The following GMDS variants were observed in gnomAD, a reference collection of about 807,000 sequenced individuals.
GMDS encodes GDP-mannose 4,6 dehydratase.
A neutral mutation model predicts 49.9 loss-of-function variants in GMDS; 20 were observed. The observed-to-expected ratio is 0.40, with a 90% CI of 0.28 to 0.58. GMDS has a LOEUF of 0.58. Ranked by LOEUF, GMDS falls within the 20% of genes least tolerant of loss-of-function variation. GMDS has a pLI of 0.42. For synonymous variants in GMDS, 177 were observed against 178.6 expected, an observed-to-expected ratio of 0.99 and a Z score of 0.07; for missense variants, 362 against 481.4, an observed-to-expected ratio of 0.75 and a Z score of 2.32.
At chr6:1,739,418 G>C (rs1443413424) in intron 8 of GMDS, among the ~76,000 whole-genome samples, 6 of 152,014 alleles carry the variant, frequency 3.9e-5, no homozygotes, top group African/African-American at 1.5e-4. Flanking sequence ...GGCTGTCTCT[G>C]TCTGTCTTGG....
chr6:1,624,101 C>T lies in GMDS; in HGVS notation c.*68G>A. On this transcript the variant is annotated 3_prime_UTR_variant, in exon 11 of 11. Coordinates refer to ENST00000380815, the MANE Select transcript of GMDS (RefSeq NM_001500.4). ...ATTGGCACGCCGCTCCCCATCCCCGCAGCGCGTCTGCACCGGAGACTCTGC... is the reference window on the plus strand; with the variant it reads ...ATTGGCACGCCGCTCCCCATCCCCGTAGCGCGTCTGCACCGGAGACTCTGC... 2 of 1,409,142 alleles carry T rather than the reference C, an allele frequency of 1.4e-6. No individual in the cohort carries two copies. The highest frequency in any genetic ancestry group is 2.0e-6 in the Non-Finnish European group (2 of 1,009,518). The allele number at this position is 1,409,142 out of a possible 1,614,324, so 87.3% of individuals were successfully genotyped here.
intron 4 of GMDS, among the ~76,000 whole-genome samples, chr6:2,062,027 C>A (rs1187602398): frequency 1.3e-5 from 2 of 152,154 alleles, no homozygotes; most frequent in African/African-American, 4.8e-5. Context: ...AGTTCGGCAG[C>A]TGAATAAAAT....
intron 1 of GMDS, among the ~76,000 whole-genome samples, chr6:2,185,106 T>TA (rs1444205599): frequency 6.6e-6 from 1 of 152,242 alleles, no homozygotes; most frequent in Non-Finnish European, 1.5e-5. Flanking sequence ...GCTTTAAACT[T>TA]AGATTTGACT....
chr6:1,660,204 G>C (rs1764023082), intron 9 of GMDS, among the ~76,000 whole-genome samples: 1 of 152,102 alleles, frequency 6.6e-6, no homozygotes, highest in Admixed American at 6.5e-5. Context: ...ATCATCATGG[G>C]ATGGGCCAGG....
intron 4 of GMDS, among the ~76,000 whole-genome samples, chr6:2,051,903 G>A (rs983616146): frequency 2.0e-4 from 31 of 151,990 alleles, no homozygotes; most frequent in Admixed American, 8.5e-4. Flanking sequence ...CAGATCACGA[G>A]GTCAGGAGTT....
intron 7 of GMDS, among the ~76,000 whole-genome samples, chr6:1,868,351 A>T (rs1458130888): frequency 6.6e-6 from 1 of 152,146 alleles, no homozygotes; most frequent in Non-Finnish European, 1.5e-5. Context: ...TAAGTGTCTA[A>T]TCAGGTAACC....
chr6:1,836,775 T>A lies in GMDS; in HGVS notation c.771+93328A>T, dbSNP rs1756947890. ...TCATTCTTTTGCAGCCAAGCTCTCA[T>A]TCAGGATAGAGGACACCTGAATTAC... On this transcript the variant is annotated intron_variant, in intron 7 of 10. Coordinates refer to ENST00000380815, the MANE Select transcript of GMDS (RefSeq NM_001500.4). The surrounding 1 kb of genome is among the most constrained non-coding windows in gnomAD (Gnocchi z 4.2). Among the ~76,000 whole-genome samples the A allele has an allele frequency of 6.6e-6, 1 of 152,230 alleles. No homozygotes were observed. Among genetic ancestry groups the A allele is most frequent in the Non-Finnish European group, 1.5e-5 (1 of 68,038 alleles).
intron 7 of GMDS, among the ~76,000 whole-genome samples, chr6:1,868,049 C>T (rs1458878826): frequency 3.3e-5 from 5 of 151,710 alleles, no homozygotes; most frequent in African/African-American, 7.3e-5. Context: ...TGCAGTGGCA[C>T]GATCTTGGCT....
chr6:2,112,237 C>T (rs776945433), intron 4 of GMDS, among the ~76,000 whole-genome samples: 4 of 152,172 alleles, frequency 2.6e-5, no homozygotes, highest in African/African-American at 4.8e-5. Flanking sequence ...ATATCATATT[C>T]GCTTTCCATT....
intron 9 of GMDS, among the ~76,000 whole-genome samples, chr6:1,656,578 A>G (rs1404937839): frequency 1.3e-5 from 2 of 152,124 alleles, no homozygotes; most frequent in African/African-American, 4.8e-5. Flanking sequence ...CCTGACCAAC[A>G]TGGTGAAACC....
chr6:1,703,720 A>G (rs1484515177), intron 9 of GMDS, among the ~76,000 whole-genome samples: 1 of 152,182 alleles, frequency 6.6e-6, no homozygotes, highest in Non-Finnish European at 1.5e-5. Flanking sequence ...CTGGTGTGAA[A>G]GCAGCCCAGG....
intron 7 of GMDS, among the ~76,000 whole-genome samples, chr6:1,758,250 C>T (rs1768025482): frequency 6.6e-6 from 1 of 152,356 alleles, no homozygotes; most frequent in African/African-American, 2.4e-5. Context: ...GCCCCTCCTC[C>T]CTTCTTGGTC....
intron 7 of GMDS, among the ~76,000 whole-genome samples, chr6:1,788,339 T>TAAA (rs756391239): frequency 1.6e-4 from 25 of 152,294 alleles, no homozygotes; most frequent in Non-Finnish European, 2.9e-4. Context: ...TCTTCAAAAT[T>TAAA]AAAAAGCAAT....
At chr6:1,819,882 A>C (rs921203351) in intron 7 of GMDS, among the ~76,000 whole-genome samples, 10 of 151,102 alleles carry the variant, frequency 6.6e-5, no homozygotes, top group Admixed American at 5.3e-4. Context: ...GCTTCACTGT[A>C]ATGATAAAAT....
intron 1 of GMDS, among the ~76,000 whole-genome samples, chr6:2,243,258 G>T (rs898865605): frequency 6.6e-6 from 1 of 152,200 alleles, no homozygotes; most frequent in Non-Finnish European, 1.5e-5. Context: ...ATGACAGGCT[G>T]CAGGACAAAC....
intron 7 of GMDS, among the ~76,000 whole-genome samples, chr6:1,773,241 A>C (rs1768655696): frequency 6.6e-6 from 1 of 151,232 alleles, no homozygotes; most frequent in African/African-American, 2.5e-5. Context: ...ATTTGAGAGC[A>C]ATATCTATAT....
At chr6:2,105,685 T>A (rs991561457) in intron 4 of GMDS, among the ~76,000 whole-genome samples, 7 of 152,170 alleles carry the variant, frequency 4.6e-5, no homozygotes, top group Non-Finnish European at 1.5e-5. Flanking sequence ...CTAAAAGACT[T>A]TACTGTTATA....
intron 4 of GMDS, among the ~76,000 whole-genome samples, chr6:2,096,159 T>C (rs1172559111): frequency 6.6e-6 from 1 of 152,132 alleles, no homozygotes; most frequent in African/African-American, 2.4e-5. Context: ...GGTACAGCTA[T>C]GACATTATAT....
intron 7 of GMDS, among the ~76,000 whole-genome samples, chr6:1,780,309 CA>C (rs1189608947): frequency 6.6e-6 from 1 of 152,192 alleles, no homozygotes; most frequent in African/African-American, 2.4e-5. Flanking sequence ...ATGATACTAC[CA>C]TGTAGTGCCA....
Sources: gnomAD v4.1 joint callset for allele counts (sites outside exome capture counted in the v4.1 genomes callset) on GRCh38, gnomAD v4.1.1 for gene constraint, Gnocchi (gnomAD v3.1) non-coding constraint, MANE v1.5 for transcripts, NCBI Gene and HGNC (gene_info 2026-07-23, HGNC 2026-07-21) for gene names.